PSG11: variants seen among roughly 807,000 people sequenced by gnomAD.
PSG11 encodes the protein pregnancy specific beta-1-glycoprotein 11, also known as pregnancy-specific beta-1-glycoprotein 11.
In PSG11, 42 loss-of-function variants were observed where a neutral mutation model predicts 36.0. That is an observed-to-expected ratio of 1.17 (90% CI 0.91 to 1.51). The LOEUF (loss-of-function observed/expected upper bound fraction) is 1.51. PSG11 is among the 40% of genes most tolerant of loss of function. The pLI is 0.00. For missense variants in PSG11, 558 were observed against 403.5 expected, an observed-to-expected ratio of 1.38 and a Z score of -3.28; for synonymous variants, 206 against 153.5, an observed-to-expected ratio of 1.34 and a Z score of -2.53.
chr19:43,011,274 A>T (rs1212617305), intron 4 of PSG11, among the ~76,000 whole-genome samples: 1 of 151,324 alleles, frequency 6.6e-6, no homozygotes, highest in Non-Finnish European at 1.5e-5. Context: ...CAGGTGAGGA[A>T]TCAGAGGTTC....
chr19:43,016,882 G>A lies in PSG11; in HGVS notation c.710-1512C>T, dbSNP rs1966980272. On this transcript the variant is annotated intron_variant, in intron 3 of 5. Transcript: ENST00000320078. Reference sequence around the variant, plus strand: ...TTTGCAAATGCAGAACTGACTGGTGGAAAGGGTGGGAATGAACTGCTGGAA... The same window carrying A: ...TTTGCAAATGCAGAACTGACTGGTGAAAAGGGTGGGAATGAACTGCTGGAA... Among the ~76,000 whole-genome samples the A allele has an allele frequency of 2.0e-5, 3 of 151,564 alleles. No individual in the cohort carries two copies. The South Asian group carries it at 6.3e-4, about 32-fold the overall frequency.
chr19:43,015,074 C>G, intron 4 of PSG11, 42 bp downstream of exon 4: 1 of 1,610,560 alleles, frequency 6.2e-7, no homozygotes, highest in East Asian at 2.2e-5. Flanking sequence ...TAGATAGACT[C>G]CACCTAAAAC....
chr19:43,016,404 G>A (rs950470586), intron 3 of PSG11, among the ~76,000 whole-genome samples: 1 of 151,086 alleles, frequency 6.6e-6, no homozygotes, highest in Non-Finnish European at 1.5e-5. Context: ...CAACTGCTGG[G>A]CCCCTTCCAA....
intron 2 of PSG11, among the ~76,000 whole-genome samples, chr19:43,021,881 C>T (rs773820686): frequency 1.3e-5 from 2 of 151,304 alleles, no homozygotes; most frequent in Non-Finnish European, 2.9e-5. Flanking sequence ...CCTCTGACAC[C>T]CTGGTGAGTC....
chr19:43,020,076 A>G lies in PSG11; in HGVS notation c.431-1028T>C, dbSNP rs539187456. ...AGAGTGAATCAGAGTGTAGAATAGT[A>G]GTTTCCAGGAGCTGGGATCAGGGGA... On this transcript the variant is annotated intron_variant, in intron 2 of 5. Coordinates refer to ENST00000320078, the MANE Select transcript of PSG11 (RefSeq NM_002785.3). Among the ~76,000 whole-genome samples the G allele has an allele frequency of 2.6e-5, 4 of 151,500 alleles. 1 individual carries two copies. The South Asian group carries it at 8.4e-4, about 32-fold the overall frequency.
intron 2 of PSG11, among the ~76,000 whole-genome samples, chr19:43,020,159 A>G (rs1337798046): frequency 6.6e-6 from 1 of 151,364 alleles, no homozygotes; most frequent in Non-Finnish European, 1.5e-5. Flanking sequence ...GAGGTTCTAG[A>G]GATCTCCTGT....
intron 2 of PSG11, among the ~76,000 whole-genome samples, chr19:43,021,160 T>G (rs1967092536): frequency 6.6e-6 from 1 of 151,364 alleles, no homozygotes; most frequent in African/African-American, 2.4e-5. Flanking sequence ...GCTACAAAAT[T>G]TTAAAAATGC....
chr19:43,012,137 G>T lies in PSG11; in HGVS notation c.965-2096C>A, dbSNP rs1400070098. On this transcript the variant is annotated intron_variant, in intron 4 of 5. Transcript: ENST00000320078. ...TTCATAAGAAAAACATTCTAAGAAT[G>T]GAAGGAAACCACCTCAACATAAAGG... Among the ~76,000 whole-genome samples the T allele has an allele frequency of 4.0e-5, 6 of 151,190 alleles. 1 individual carries two copies. In the Admixed American group the frequency reaches 4.0e-4, roughly 10 times the overall value.
rs186180318 is a variant in PSG11 at position 43,012,659 on chromosome 19, C to A, written c.964+2457G>T. On this transcript the variant is annotated intron_variant, in intron 4 of 5. Transcript: ENST00000320078. ...AAGACAATATCAATAAATGGAAAGA[C>A]ATTTTGTTTTCATGAATTGGAAGAC... 2.4e-3 allele frequency among the ~76,000 whole-genome samples: 361 copies of A among 151,548 alleles called. 20 individuals are homozygous for A. Among genetic ancestry groups the A allele is most frequent in the African/African-American group, 8.4e-3 (347 of 41,214 alleles).
chr19:43,016,211 C>G (rs559608310), intron 3 of PSG11, among the ~76,000 whole-genome samples: 2 of 151,314 alleles, frequency 1.3e-5, no homozygotes, highest in Admixed American at 1.3e-4. Context: ...TCTAAGGGCT[C>G]AAAGACTGTG....
In PSG11 at chr19:43,010,017, G is replaced by T. The variant is rs761287218; in HGVS notation, c.989C>A (p.Ala330Asp). ...VIAPPGLGTFAFNNPT is the reference protein window; with the variant it reads ...VIAPPGLGTFDFNNPT The stretch of plus-strand genomic sequence containing the variant: ...CGGCTGCTACGTTGGATTATTGAAA[G>T]CAAAAGTTCCTAATCCTGGAGGAGC... Residue 330 changes from alanine (A) to aspartate (D), a missense_variant, in exon 5 of 6, where the codon GCT becomes GAT. By Grantham distance (126) the Ala-to-Asp change is moderately radical. Transcript: ENST00000320078. 6.2e-7 allele frequency: 1 copy of T among 1,609,828 alleles called. No homozygotes were observed. Among genetic ancestry groups the T allele is most frequent in the South Asian group, 1.1e-5 (1 of 90,720 alleles).
intron 2 of PSG11, among the ~76,000 whole-genome samples, chr19:43,022,941 G>A (rs1277887978): frequency 6.6e-6 from 1 of 150,708 alleles, no homozygotes; most frequent in African/African-American, 2.5e-5. Context: ...GGGGGAAGAA[G>A]CTGTGCAGGA....
intron 2 of PSG11, among the ~76,000 whole-genome samples, chr19:43,023,069 A>G (rs1489425208): frequency 2.9e-4 from 43 of 150,578 alleles, no homozygotes; most frequent in African/African-American, 1.0e-3. Context: ...AGCCCCCAGG[A>G]ACCAGCTGCC....
At position 43,019,740 on chromosome 19, in the gene PSG11, A is replaced by G. The variant is rs144407588; in HGVS notation, c.431-692T>C. Reference sequence around the variant, plus strand: ...ACAAAGAGTGAAGGGGACAGGCAAGAGCTGATAGCTTTGAACCAAGACCAT... The same window carrying G: ...ACAAAGAGTGAAGGGGACAGGCAAGGGCTGATAGCTTTGAACCAAGACCAT... On this transcript the variant is annotated intron_variant, in intron 2 of 5. Transcript: ENST00000320078. The G allele has an allele frequency of 5.7e-3, 872 of 152,662 alleles. 62 individuals carry two copies. The East Asian group carries it at 0.098, about 17-fold the overall frequency. 9.5% of individuals were successfully genotyped at this position (152,662 alleles called of 1,614,324 possible). A position where few individuals can be genotyped will look rare whatever the true frequency, so the allele number is the denominator to read the frequency against.
chr19:43,024,739 C>G lies in PSG11; in HGVS notation c.382G>C (p.Gly128Arg), dbSNP rs370594587. Reference sequence around the variant, plus strand: ...CCAGTTACTCCTCTAGTCCCATCACCTCGCTTTATGATGTGTAAGGTGTAG... The same window carrying G: ...CCAGTTACTCCTCTAGTCCCATCACGTCGCTTTATGATGTGTAAGGTGTAG... The part of the protein sequence containing the change: ...GSYTLHIIKR[G>R]DGTRGVTGYF... The change falls in exon 2 of 6, where the codon GGT (glycine) becomes CGT (arginine). Residue 128 changes from glycine (G) to arginine (R), a missense_variant. Transcript: ENST00000320078. 6.3e-5 allele frequency: 102 copies of G among 1,611,546 alleles called. 3 individuals are homozygous for G. The highest frequency in any genetic ancestry group is 8.6e-5 in the Non-Finnish European group (101 of 1,178,934).
Position 43,019,551 on chromosome 19 carries a change from G to A in PSG11, c.431-503C>T, listed in dbSNP as rs559457166. 323 of 165,112 alleles carry A rather than the reference G, an allele frequency of 2.0e-3. 10 individuals are homozygous for A. Among genetic ancestry groups the A allele is most frequent in the African/African-American group, 7.7e-3 (319 of 41,376 alleles). The allele number at this position is 165,112 out of a possible 1,614,324, so 10.2% of individuals were successfully genotyped here. ...ACTGGAAAGCCTGGCCTGGGACTGG[G>A]TACTTCAGCAGAAATAACACAGGGG... On this transcript the variant is annotated intron_variant, in intron 2 of 5. Coordinates refer to ENST00000320078, the MANE Select transcript of PSG11 (RefSeq NM_002785.3).
intron 1 of PSG11, chr19:43,025,335 C>T (rs1967217620): frequency 2.0e-6 from 1 of 495,082 alleles, no homozygotes; most frequent in African/African-American, 1.9e-5. Flanking sequence ...GAATCCTCTT[C>T]CCCAGGGGTC....
At chr19:43,015,720 G>T (rs569893200) in intron 3 of PSG11, 1 of 1,602,144 alleles carries the variant, frequency 6.2e-7, no homozygotes, top group Non-Finnish European at 8.5e-7. Flanking sequence ...GCCCCTGGTC[G>T]TTTGGATTTA....
intron 4 of PSG11, among the ~76,000 whole-genome samples, chr19:43,011,903 TA>T (rs398121010): frequency 2.6e-3 from 349 of 136,290 alleles, no homozygotes; most frequent in Middle Eastern, 0.015. Flanking sequence ...CTCTCTCTCT[TA>T]AAAAAAAAAA....
Sources: gnomAD v4.1 joint callset for allele counts (sites outside exome capture counted in the v4.1 genomes callset) on GRCh38, gnomAD v4.1.1 for gene constraint, MANE v1.5 for transcripts, NCBI Gene and HGNC (gene_info 2026-07-23, HGNC 2026-07-21) for gene names.